The following BUB1B variants were observed in gnomAD, a reference collection of about 807,000 sequenced individuals.
BUB1B encodes the protein BUB1 mitotic checkpoint serine/threonine kinase B, also known as mitotic checkpoint serine/threonine-protein kinase BUB1 beta.
BUB1B carries 86 observed loss-of-function variants against 137.7 expected under a neutral mutation model. That is an observed-to-expected ratio of 0.62 (90% CI 0.52 to 0.75). BUB1B has a LOEUF of 0.75. BUB1B is among the 30% of genes least tolerant of loss of function. The pLI, the probability that BUB1B is intolerant of heterozygous loss-of-function variation, is 0.00. For synonymous variants in BUB1B, 420 were observed against 417.9 expected (o/e 1.00, Z -0.06); for missense variants, 1,130 against 1,236.9 (o/e 0.91, Z 1.30).
intron 20 of BUB1B, among the ~76,000 whole-genome samples, chr15:40,213,877 C>T (rs1461000345): frequency 3.3e-5 from 5 of 151,618 alleles, no homozygotes; most frequent in Non-Finnish European, 5.9e-5. Flanking sequence ...AATGCCATAT[C>T]GAGGAACATA....
chr15:40,198,080 G>A (rs2037519453), intron 9 of BUB1B, among the ~76,000 whole-genome samples: 1 of 152,106 alleles, frequency 6.6e-6, no homozygotes, highest in African/African-American at 2.4e-5. Context: ...AAAAAGACCA[G>A]CCTGGGCAAC....
In BUB1B at chr15:40,161,081, T is replaced by C. The variant is rs2037036813; in HGVS notation, c.-140T>C. On this transcript the variant is annotated 5_prime_UTR_variant, in exon 1 of 23. Transcript: ENST00000287598. ...GGCGGCTAGGGGTGTGGGCTTGAGG[T>C]GGCCGGTTTGTTAGGGAGTCGTGTA... The C allele has an allele frequency of 1.7e-6, 2 of 1,144,812 alleles. No homozygotes were observed. The highest frequency in any genetic ancestry group is 4.9e-5 in the Admixed American group (2 of 40,956). The allele number at this position is 1,144,812 out of a possible 1,614,324, so 70.9% of individuals were successfully genotyped here.
chr15:40,220,269 T>C (rs2037879061), intron 22 of BUB1B, among the ~76,000 whole-genome samples: 1 of 152,232 alleles, frequency 6.6e-6, no homozygotes, highest in South Asian at 2.1e-4. Flanking sequence ...TTCCTTTTTC[T>C]TCTATTTGTA....
intron 1 of BUB1B, among the ~76,000 whole-genome samples, chr15:40,164,554 C>T (rs1387795458): frequency 1.3e-5 from 2 of 152,086 alleles, no homozygotes; most frequent in Non-Finnish European, 2.9e-5. Context: ...CTAGATGATG[C>T]ATTCAATGGT....
At chr15:40,194,556 A>AT (rs1369576473) in intron 8 of BUB1B, among the ~76,000 whole-genome samples, 1 of 152,212 alleles carries the variant, frequency 6.6e-6, no homozygotes, top group Non-Finnish European at 1.5e-5. Flanking sequence ...ACAGTTTTTG[A>AT]TTCACTGAGT....
chr15:40,185,733 T>G, intron 8 of BUB1B, 91 bp downstream of exon 8: 1 of 1,284,548 alleles, frequency 7.8e-7, no homozygotes, highest in Non-Finnish European at 1.1e-6. Flanking sequence ...TTCTTCTTTA[T>G]GAAGATGAAA....
At chr15:40,176,225 G>A (rs1444288346) in intron 4 of BUB1B, among the ~76,000 whole-genome samples, 1 of 152,136 alleles carries the variant, frequency 6.6e-6, no homozygotes, top group Non-Finnish European at 1.5e-5. Flanking sequence ...ACAAAGTGCT[G>A]TAATTACAGG....
Position 40,206,739 on chromosome 15 carries a change from G to T in BUB1B, c.2009+281G>T, listed in dbSNP as rs181943772. ...ACTTTGCAAAGTGTACATGACTGAC[G>T]AAAAGGAGGCATTTAGTTTTTCTTT... On this transcript the variant is annotated intron_variant, in intron 15 of 22. Transcript: ENST00000287598. Among the ~76,000 whole-genome samples the T allele has an allele frequency of 7.2e-5, 11 of 152,258 alleles. No homozygotes were observed. In the East Asian group the frequency reaches 1.9e-3, roughly 27 times the overall value.
At chr15:40,172,468 T>C (rs969619192) in intron 4 of BUB1B, among the ~76,000 whole-genome samples, 1 of 151,962 alleles carries the variant, frequency 6.6e-6, no homozygotes, top group Non-Finnish European at 1.5e-5. Flanking sequence ...TATTATATCT[T>C]TTTTTTTACA....
Position 40,217,577 on chromosome 15 carries a change from G to C in BUB1B, c.2760G>C (p.Val920=), listed in dbSNP as rs151035388. The part of the protein sequence containing the change: ...VDFSYSVDLR[V]QLDVFTLSGF... ...TTTCCTACAGTGTTGACCTTAGGGT[G>C]CAGCTGGATGTTTTTACCCTCAGCG... The change falls in exon 21 of 23, where the codon GTG becomes GTC. Residue 920 remains valine (V), a synonymous_variant. Transcript: ENST00000287598. 1.5e-5 allele frequency: 25 copies of C among 1,614,030 alleles called. No individual in the cohort carries two copies. The highest frequency in any genetic ancestry group is 2.7e-5 in the African/African-American group (2 of 74,898).
chr15:40,197,483 C>T (rs564487888), intron 9 of BUB1B, among the ~76,000 whole-genome samples: 2 of 151,954 alleles, frequency 1.3e-5, no homozygotes, highest in African/African-American at 4.8e-5. Context: ...AAGAAGGGTA[C>T]AGAAAATGAG....
chr15:40,191,999 T>C lies in BUB1B; in HGVS notation c.1059-4546T>C, dbSNP rs2037444634. Among the ~76,000 whole-genome samples, 4 of 152,336 alleles carry C rather than the reference T, an allele frequency of 2.6e-5. No individual in the cohort carries two copies. The South Asian group carries it at 8.3e-4, about 32-fold the overall frequency. ...ATTCTCTTGTAATTCCTTATACATT[T>C]TAAGATTAGCCTGTCAATTTCTGCA... On this transcript the variant is annotated intron_variant, in intron 8 of 22. Coordinates refer to ENST00000287598, the MANE Select transcript of BUB1B (RefSeq NM_001211.6).
rs978641200 is a variant in BUB1B, at chr15:40,206,529, C to T, written c.2009+71C>T. 2.5e-6 allele frequency: 4 copies of T among 1,587,756 alleles called. No homozygotes were observed. The Admixed American group carries it at 6.7e-5, about 27-fold the overall frequency. ...TTATTCTGCATGTGCTTGTCAGTTA[C>T]AGTAATCAGTTATCAAGTTCTTACT... On this transcript the variant is annotated intron_variant, in intron 15 of 22. Coordinates refer to ENST00000287598, the MANE Select transcript of BUB1B (RefSeq NM_001211.6).
chr15:40,210,168 C>G lies in BUB1B; in HGVS notation c.2343C>G (p.Phe781Leu), dbSNP rs751776754. The change falls in exon 18 of 23, where the codon TTC becomes TTG. Residue 781 changes from phenylalanine to leucine, a missense_variant. Phe to Leu is a conservative substitution (Grantham distance 22). Transcript: ENST00000287598. ...EYLICEDYKL[F>L]WVAPRNSAEL... Reference sequence around the variant, plus strand: ...TAATATGTGAAGATTACAAGTTATTCTGGGTGGCGCCAAGAAACTCTGCAG... The same window carrying G: ...TAATATGTGAAGATTACAAGTTATTGTGGGTGGCGCCAAGAAACTCTGCAG... The G allele has an allele frequency of 3.1e-6, 5 of 1,612,398 alleles. No individual in the cohort carries two copies. In the African/African-American group the frequency reaches 6.7e-5, roughly 22 times the overall value.
intron 20 of BUB1B, among the ~76,000 whole-genome samples, chr15:40,216,774 GA>G (rs1180752865): frequency 6.6e-6 from 1 of 151,044 alleles, no homozygotes; most frequent in Non-Finnish European, 1.5e-5. Flanking sequence ...AATTAATTGA[GA>G]AAAACAGACA....
chr15:40,208,669 A>T lies in BUB1B; in HGVS notation c.2042A>T (p.His681Leu). ...PIIEDSREAT[H>L]SSGFSGSSAS... ...ATTGAAGACAGTCGTGAAGCCACACACTCCTCTGGCTTCTCTGGTTCTTCT... is the reference window on the plus strand; with the variant it reads ...ATTGAAGACAGTCGTGAAGCCACACTCTCCTCTGGCTTCTCTGGTTCTTCT... Residue 681 changes from histidine to leucine, a missense_variant, in exon 16 of 23, where the codon CAC becomes CTC. His to Leu is a moderately conservative substitution (Grantham distance 99). Transcript: ENST00000287598. 6.2e-7 allele frequency: 1 copy of T among 1,613,756 alleles called. No homozygotes were observed.
chr15:40,166,339 C>CA (rs2037097259), intron 2 of BUB1B: 1 of 283,800 alleles, frequency 3.5e-6, no homozygotes. Context: ...CTCTCTCTCT[C>CA]TTTTTTTTTT....
intron 16 of BUB1B, 66 bp from the exon 17 acceptor site, chr15:40,209,569 T>A (rs915269823): frequency 1.9e-6 from 3 of 1,585,286 alleles, no homozygotes; most frequent in Admixed American, 1.7e-5. Flanking sequence ...TACTCTGTTA[T>A]AATATCCATT....
At chr15:40,217,325 G>A (rs2037807570) in intron 20 of BUB1B, 171 bp from the exon 21 acceptor site, 2 of 670,506 alleles carry the variant, frequency 3.0e-6, no homozygotes, top group Non-Finnish European at 2.6e-6. Flanking sequence ...TCCGCATTGG[G>A]TGGACACTGC....
Sources: gnomAD v4.1 joint callset for allele counts (sites outside exome capture counted in the v4.1 genomes callset) on GRCh38, gnomAD v4.1.1 for gene constraint, MANE v1.5 for transcripts, NCBI Gene and HGNC (gene_info 2026-07-23, HGNC 2026-07-21) for gene names.